Variants in NEGR1 observed in about 807,000 individuals in gnomAD.
NEGR1 encodes the protein neuronal growth regulator 1, also known as IgLON family member 4.
A neutral mutation model predicts 40.9 loss-of-function variants in NEGR1; 10 were observed. That is an observed-to-expected ratio of 0.24 (90% confidence interval 0.15 to 0.42). The LOEUF (loss-of-function observed/expected upper bound fraction) is 0.42. Ranked by LOEUF, NEGR1 falls within the 10% of genes least tolerant of loss-of-function variation. The probability of loss-of-function intolerance (pLI) is 1.00; values close to 1 mark genes in which losing one functional copy is unlikely to be tolerated. For missense variants in NEGR1, 352 were observed against 438.9 expected, an observed-to-expected ratio of 0.80 and a Z score of 1.77; for synonymous variants, 185 against 166.8, an observed-to-expected ratio of 1.11 and a Z score of -0.84.
intron 2 of NEGR1, among the ~76,000 whole-genome samples, chr1:71,859,318 G>A (rs934151843): frequency 3.9e-5 from 6 of 152,064 alleles, no homozygotes; most frequent in South Asian, 2.1e-4. Flanking sequence ...TTCCTTAAAC[G>A]CTGCATGGCT....
chr1:71,613,963 A>C (rs1046755665), intron 4 of NEGR1, among the ~76,000 whole-genome samples: 1 of 152,172 alleles, frequency 6.6e-6, no homozygotes, highest in Non-Finnish European at 1.5e-5. Flanking sequence ...TATGAAAACT[A>C]TAAAAACTCT....
chr1:72,222,808 A>G (rs1258213876), intron 1 of NEGR1, among the ~76,000 whole-genome samples: 1 of 152,140 alleles, frequency 6.6e-6, no homozygotes, highest in African/African-American at 2.4e-5. Flanking sequence ...ATGCTCTAAG[A>G]AACCATAATG....
chr1:71,844,141 T>A (rs1452852843), intron 2 of NEGR1, among the ~76,000 whole-genome samples: 1 of 152,198 alleles, frequency 6.6e-6, no homozygotes, highest in African/African-American at 2.4e-5. Context: ...CTGCCATGTA[T>A]TTTTCCCCAA....
At chr1:71,446,023 C>T (rs1041719664) in intron 6 of NEGR1, among the ~76,000 whole-genome samples, 1 of 152,098 alleles carries the variant, frequency 6.6e-6, no homozygotes, top group African/African-American at 2.4e-5. Flanking sequence ...GTCAAAAGGA[C>T]ACAAATGAAA....
chr1:71,556,067 T>C (rs1169951504), intron 6 of NEGR1, among the ~76,000 whole-genome samples: 4 of 151,440 alleles, frequency 2.6e-5, no homozygotes, highest in Non-Finnish European at 4.4e-5. Context: ...TTGGTATACT[T>C]AGAGAATATT....
rs529533104 is a variant in NEGR1, at chr1:71,746,774, A to G, written c.535+29398T>C. 9.5e-3 allele frequency among the ~76,000 whole-genome samples: 1,136 copies of G among 119,686 alleles called. 15 individuals are homozygous for G. Among genetic ancestry groups the G allele is most frequent in the African/African-American group, 0.041 (1,054 of 25,450 alleles). 78.5% of individuals were successfully genotyped at this position (119,686 alleles called of 152,430 possible). On this transcript the variant is annotated intron_variant, in intron 3 of 6. Coordinates refer to ENST00000357731, the MANE Select transcript of NEGR1 (RefSeq NM_173808.3). ...CACACACGCGTACACACACACACGC[A>G]CACACACACACACACACACAGATTT...
intron 2 of NEGR1, among the ~76,000 whole-genome samples, chr1:71,881,921 C>A (rs780101209): frequency 6.4e-4 from 97 of 152,214 alleles, no homozygotes; most frequent in Non-Finnish European, 1.1e-3. Flanking sequence ...GGTTGATAAA[C>A]TGGTTGACCT....
chr1:71,563,796 C>T (rs1161242121), intron 6 of NEGR1, among the ~76,000 whole-genome samples: 1 of 151,342 alleles, frequency 6.6e-6, no homozygotes, highest in Non-Finnish European at 1.5e-5. Context: ...GAAGTGATGG[C>T]TGAAAAAAAA....
At chr1:71,906,364 A>G (rs891227583) in intron 2 of NEGR1, among the ~76,000 whole-genome samples, 1 of 151,944 alleles carries the variant, frequency 6.6e-6, no homozygotes, top group Admixed American at 6.6e-5. Flanking sequence ...ACCAAACACC[A>G]TCTGTTCCCC....
Position 71,406,036 on chromosome 1 carries a change from T to A in NEGR1, c.*1410A>T, listed in dbSNP as rs1471105831. 3 of 152,014 alleles carry A rather than the reference T, an allele frequency of 2.0e-5. No individual in the cohort carries two copies. The highest frequency in any genetic ancestry group is 4.4e-5 in the Non-Finnish European group (3 of 67,848). 9.4% of individuals were successfully genotyped at this position (152,014 alleles called of 1,614,324 possible). On this transcript the variant is annotated 3_prime_UTR_variant, in exon 7 of 7. Coordinates refer to ENST00000357731, the MANE Select transcript of NEGR1 (RefSeq NM_173808.3). ...ACATTCACAATAATTTGATAATTAC[T>A]TATCTTAAGATATTCTCATCACTGG...
intron 2 of NEGR1, among the ~76,000 whole-genome samples, chr1:71,824,357 T>TAA (rs200928785): frequency 1.3e-3 from 182 of 143,254 alleles, no homozygotes; most frequent in African/African-American, 4.3e-3. Context: ...GATAAGATCA[T>TAA]AAAAAAAAAA....
At chr1:71,798,118 C>A (rs1657406479) in intron 2 of NEGR1, 1 of 151,970 alleles carries the variant, frequency 6.6e-6, no homozygotes, top group Non-Finnish European at 1.5e-5. Context: ...ATAAACAGAG[C>A]ACAGCCAGGT....
At chr1:71,999,472 A>G (rs768244518) in intron 1 of NEGR1, among the ~76,000 whole-genome samples, 42 of 151,100 alleles carry the variant, frequency 2.8e-4, no homozygotes, top group Admixed American at 7.9e-4. Flanking sequence ...AGCAAGCACT[A>G]TGACAGATGG....
At chr1:72,057,271 T>C (rs1449474172) in intron 1 of NEGR1, among the ~76,000 whole-genome samples, 1 of 151,624 alleles carries the variant, frequency 6.6e-6, no homozygotes, top group African/African-American at 2.4e-5. Flanking sequence ...AAAATTTGGA[T>C]TGTGCATTAT....
chr1:72,197,066 G>A (rs949683657), intron 1 of NEGR1, among the ~76,000 whole-genome samples: 7 of 151,734 alleles, frequency 4.6e-5, no homozygotes, highest in African/African-American at 1.7e-4. Flanking sequence ...AAATTTTTGT[G>A]ATGTTACCTG....
intron 4 of NEGR1, among the ~76,000 whole-genome samples, chr1:71,689,842 A>G (rs1653191749): frequency 6.6e-6 from 1 of 151,432 alleles, no homozygotes. Context: ...AATGTAATGT[A>G]AATTAATTAA....
chr1:71,468,650 A>G (rs1389120957), intron 6 of NEGR1: 1 of 152,022 alleles, frequency 6.6e-6, no homozygotes, highest in East Asian at 1.9e-4. Context: ...TTTTTATGAA[A>G]CTACCCTCAC....
At chr1:71,604,673 G>T (rs996004255) in intron 5 of NEGR1, among the ~76,000 whole-genome samples, 2 of 152,116 alleles carry the variant, frequency 1.3e-5, no homozygotes, top group Non-Finnish European at 1.5e-5. Context: ...TCTATGTAAA[G>T]TGAACATGGC....
intron 1 of NEGR1, among the ~76,000 whole-genome samples, chr1:72,195,625 T>A (rs930051926): frequency 6.7e-5 from 10 of 149,510 alleles, no homozygotes; most frequent in Admixed American, 2.7e-4. Context: ...AAAGCCCTAC[T>A]GGATATGGTC....
Sources: gnomAD v4.1 joint callset for allele counts (sites outside exome capture counted in the v4.1 genomes callset) on GRCh38, gnomAD v4.1.1 for gene constraint, MANE v1.5 for transcripts, NCBI Gene and HGNC (gene_info 2026-07-23, HGNC 2026-07-21) for gene names.